MPG: variants seen among roughly 807,000 people sequenced by gnomAD.
MPG encodes the protein DNA-3-methyladenine glycosylase.
In MPG, 33 loss-of-function variants were observed where a neutral mutation model predicts 31.7. That is an observed-to-expected ratio of 1.04 (90% CI 0.79 to 1.39). The LOEUF (loss-of-function observed/expected upper bound fraction) is 1.39. Ranked by LOEUF, MPG falls within the 40% of genes most tolerant of loss-of-function variation. The pLI is 0.00. For missense variants in MPG, 455 were observed against 415.5 expected, an observed-to-expected ratio of 1.10 and a Z score of -0.83; for synonymous variants, 202 against 169.2, an observed-to-expected ratio of 1.19 and a Z score of -1.51.
intron 3 of MPG, among the ~76,000 whole-genome samples, chr16:83,640 C>A (rs532036384): frequency 6.6e-6 from 1 of 151,004 alleles, no homozygotes; most frequent in Non-Finnish European, 1.5e-5. Context: ...ACTAGGGAGG[C>A]GGAGGCAGGA....
upstream of MPG, among the ~76,000 whole-genome samples, chr16:77,787 C>G (rs17137102): frequency 9.1e-4 from 139 of 152,230 alleles, 1 homozygote; most frequent in East Asian, 0.022. Context: ...CTCCCAGGCG[C>G]TCACTCCGCT....
intron 3 of MPG, 102 bp downstream of exon 3, chr16:83,358 C>T (rs779179853): frequency 1.3e-5 from 15 of 1,186,462 alleles, no homozygotes; most frequent in Admixed American, 1.2e-4. Flanking sequence ...AGCATTTGAG[C>T]GAGGAGGTGC....
intron 1 of MPG, 92 bp downstream of exon 1, chr16:78,425 C>T: frequency 5.7e-6 from 6 of 1,050,162 alleles, no homozygotes; most frequent in African/African-American, 1.7e-5. Flanking sequence ...GTGCCGGGGA[C>T]GGGCGTAGCG....
upstream of MPG, chr16:78,216 C>T: frequency 1.7e-6 from 2 of 1,194,136 alleles, no homozygotes; most frequent in Non-Finnish European, 2.2e-6. Context: ...GCAGGCGCCG[C>T]TCCGCCCCGG....
At chr16:82,718 A>G (rs1898284028) in intron 2 of MPG, among the ~76,000 whole-genome samples, 1 of 152,156 alleles carries the variant, frequency 6.6e-6, no homozygotes, top group Non-Finnish European at 1.5e-5. Context: ...GAAAGGAGGA[A>G]TCTGGGGAAT....
chr16:79,491 G>A lies in MPG; in HGVS notation c.91G>A (p.Asp31Asn), dbSNP rs373341989. Reference protein sequence around the residue: ...ARAGQPHSSSDAAQAPAEQPH... With the variant: ...ARAGQPHSSSNAAQAPAEQPH... ...AGCAGGGCAGCCACACAGCTCGTCC[G>A]ACGCAGCCCAGGCACCTGCAGAGCA... Residue 31 changes from aspartate to asparagine, a missense_variant, in exon 2 of 4, where the codon GAC becomes AAC. Coordinates refer to ENST00000356432, the MANE Select transcript of MPG (RefSeq NM_001015052.3). 6.2e-6 allele frequency: 10 copies of A among 1,612,710 alleles called. No individual in the cohort carries two copies. The highest frequency in any genetic ancestry group is 3.3e-5 in the South Asian group (3 of 91,068).
rs747635841 is a variant in MPG at position 78,299 on chromosome 16, C to T, written c.-11C>T. 7.5e-7 allele frequency: 1 copy of T among 1,337,184 alleles called. No individual in the cohort carries two copies. Among genetic ancestry groups the T allele is most frequent in the Non-Finnish European group, 9.6e-7 (1 of 1,041,996 alleles). 82.8% of individuals were successfully genotyped at this position (1,337,184 alleles called of 1,614,324 possible). On this transcript the variant is annotated 5_prime_UTR_variant, in exon 1 of 4. Transcript: ENST00000356432. ...GTCCGAGTCCCACGAAGCCCCGGCC[C>T]GAGCCGCCGGATGCCCGCGCGCAGC...
chr16:81,459 G>T (rs1898232681), intron 2 of MPG, among the ~76,000 whole-genome samples: 1 of 152,194 alleles, frequency 6.6e-6, no homozygotes, highest in African/African-American at 2.4e-5. Context: ...CTCCAGGGAA[G>T]ATGGAACAGG....
At chr16:77,873 G>A (rs891781972), upstream of MPG, among the ~76,000 whole-genome samples, 31 of 151,910 alleles carry the variant, frequency 2.0e-4, no homozygotes, top group African/African-American at 6.3e-4. Flanking sequence ...GCCCCTCGAG[G>A]ATCCACTCAG....
intron 1 of MPG, chr16:79,114 G>C (rs930719373): frequency 6.8e-7 from 1 of 1,473,418 alleles, no homozygotes; most frequent in Admixed American, 2.2e-5. Context: ...GCTGTCCCAG[G>C]CTCAGGCCCC....
upstream of MPG, chr16:78,148 G>A (rs980496572): frequency 1.0e-5 from 5 of 482,262 alleles, no homozygotes; most frequent in Non-Finnish European, 1.6e-5. Context: ...CGCCCCGGGG[G>A]CGCAGCCAGT....
chr16:80,829 A>G (rs916133072), intron 2 of MPG, among the ~76,000 whole-genome samples: 8 of 152,254 alleles, frequency 5.3e-5, no homozygotes, highest in African/African-American at 1.9e-4. Context: ...AAAAAATACA[A>G]TGGGCATTTG....
chr16:85,661 C>A lies in MPG; in HGVS notation c.766C>A (p.Arg256=), dbSNP rs150131864. ...PSEPAVVAAA[R]VGVGHAGEWA... is the part of the protein sequence containing the mutation. ...TGAGCCGGCTGTAGTGGCAGCAGCC[C>A]GGGTGGGCGTCGGCCATGCAGGGGA... Residue 256 remains arginine (R), a synonymous_variant, in exon 4 of 4, where the codon CGG becomes AGG. Transcript: ENST00000356432. 501 of 1,584,282 alleles carry A rather than the reference C, an allele frequency of 3.2e-4. 6 individuals carry two copies. In the Admixed American group the frequency reaches 8.5e-3, roughly 27 times the overall value.
chr16:82,986 TG>T, intron 2 of MPG, 65 bp from the exon 3 acceptor site: 1 of 1,409,514 alleles, frequency 7.1e-7, no homozygotes, highest in Non-Finnish European at 9.7e-7. Context: ...AGGTCCAGGC[TG>T]GGCACTGTTA....
chr16:83,483 G>C, intron 3 of MPG: 2 of 518,440 alleles, frequency 3.9e-6, no homozygotes, highest in Non-Finnish European at 6.9e-6. Flanking sequence ...GCTCACGCCT[G>C]TCATCCCAGC....
chr16:83,257 G>T lies in MPG; in HGVS notation c.505+1G>T, dbSNP rs1427761193. The T allele has an allele frequency of 1.9e-6, 3 of 1,610,228 alleles. No individual in the cohort carries two copies. Among genetic ancestry groups the T allele is most frequent in the Non-Finnish European group, 2.5e-6 (3 of 1,178,156 alleles). On this transcript the variant is annotated splice_donor_variant, in intron 3 of 3. Coordinates refer to ENST00000356432, the MANE Select transcript of MPG (RefSeq NM_001015052.3). LOFTEE classifies it high-confidence loss of function. ...TTCTGCATGAACATCTCCAGCCAGG[G>T]TGAGCAGTGCTGGGGCACGGGGGGT... is the stretch of plus-strand genomic sequence containing the variant.
At chr16:80,814 TAA>T (rs138627471) in intron 2 of MPG, among the ~76,000 whole-genome samples, 3 of 147,184 alleles carry the variant, frequency 2.0e-5, no homozygotes, top group Non-Finnish European at 4.5e-5. Context: ...GTCTCAAAAA[TAA>T]AAAAAAAATA....
Position 78,344 on chromosome 16 carries a change from G to C in MPG, c.24+11G>C. ...CGCAGCGGGGCCCAGGTGAGCGCGC[G>C]CCTCGGCCGCCCCGCGGAACAGACG... is the stretch of plus-strand genomic sequence containing the variant. On this transcript the variant is annotated intron_variant, in intron 1 of 3. Coordinates refer to ENST00000356432, the MANE Select transcript of MPG (RefSeq NM_001015052.3). 8.0e-6 allele frequency: 10 copies of C among 1,243,460 alleles called. No individual in the cohort carries two copies. Among genetic ancestry groups the C allele is most frequent in the Non-Finnish European group, 1.0e-5 (10 of 994,720 alleles). The allele number at this position is 1,243,460 out of a possible 1,614,324, so 77.0% of individuals were successfully genotyped here. A position where few individuals can be genotyped will look rare whatever the true frequency, so the allele number is the denominator to read the frequency against.
rs112910924 is a variant in MPG, at chr16:79,533, G to C, written c.133G>C (p.Asp45His). Residue 45 changes from aspartate to histidine, a missense_variant, in exon 2 of 4, where the codon GAT becomes CAT. By Grantham distance (81) the Asp-to-His change is moderately conservative (BLOSUM62 -1). Coordinates refer to ENST00000356432, the MANE Select transcript of MPG (RefSeq NM_001015052.3). ...TGCAGAGCAGCCACACAGCTCGTCC[G>C]ATGCAGCCCAGGCACCTTGCCCCAG... ...APAEQPHSSSDAAQAPCPRER... is the reference protein window; with the variant it reads ...APAEQPHSSSHAAQAPCPRER... The C allele has an allele frequency of 3.0e-5, 48 of 1,612,754 alleles. No individual in the cohort carries two copies. The highest frequency in any genetic ancestry group is 3.9e-5 in the Non-Finnish European group (46 of 1,179,978).
Sources: gnomAD v4.1 joint callset for allele counts (sites outside exome capture counted in the v4.1 genomes callset) on GRCh38, gnomAD v4.1.1 for gene constraint, MANE v1.5 for transcripts, NCBI Gene and HGNC (gene_info 2026-07-23, HGNC 2026-07-21) for gene names.